The following ADAMTS6 variants were observed in gnomAD, a reference collection of about 807,000 sequenced individuals.
ADAMTS6 encodes the protein A disintegrin and metalloproteinase with thrombospondin motifs 6.
A neutral mutation model predicts 144.3 loss-of-function variants in ADAMTS6; 23 were observed. That is an observed-to-expected ratio of 0.16 (90% CI 0.11 to 0.23). The LOEUF (loss-of-function observed/expected upper bound fraction) is 0.23, where lower values mean the gene tolerates loss of function less well. Ranked by LOEUF, ADAMTS6 falls within the 10% of genes least tolerant of loss-of-function variation. ADAMTS6 has a pLI of 1.00. For synonymous variants in ADAMTS6, 444 were observed against 457.5 expected (o/e 0.97, Z 0.38); for missense variants, 999 against 1,379.6 (o/e 0.72, Z 4.37).
intron 3 of ADAMTS6, among the ~76,000 whole-genome samples, chr5:65,463,214 T>C (rs1303165356): frequency 6.6e-6 from 1 of 151,692 alleles, no homozygotes; most frequent in African/African-American, 2.4e-5. Context: ...AACTATTGGA[T>C]AGTTGCAACC....
At position 65,454,817 on chromosome 5, in the gene ADAMTS6, T is replaced by C. The variant is rs144132827; in HGVS notation, c.632-1899A>G. Among the ~76,000 whole-genome samples, 121 of 152,180 alleles carry C rather than the reference T, an allele frequency of 8.0e-4. 3 individuals carry two copies. The highest frequency in any genetic ancestry group is 2.8e-3 in the African/African-American group (116 of 41,508). ...CTGAATGCTGCCACAACTATGGGGG[T>C]AGAGAAGTGGATTCTTCCCCAGTCA... On this transcript the variant is annotated intron_variant, in intron 4 of 24. Coordinates refer to ENST00000381055, the MANE Select transcript of ADAMTS6 (RefSeq NM_197941.4).
intron 11 of ADAMTS6, among the ~76,000 whole-genome samples, chr5:65,279,675 T>C (rs188165819): frequency 6.6e-6 from 1 of 152,332 alleles, no homozygotes; most frequent in East Asian, 1.9e-4. Flanking sequence ...TGCTCTGATT[T>C]CTATGTCTTT....
intron 7 of ADAMTS6, among the ~76,000 whole-genome samples, chr5:65,445,206 A>G (rs1758172668): frequency 6.6e-6 from 1 of 152,174 alleles, no homozygotes; most frequent in Admixed American, 6.5e-5. Context: ...TCTTGTTTCC[A>G]TTTTTATTTG....
At chr5:65,179,809 A>T (rs930469337) in intron 22 of ADAMTS6, among the ~76,000 whole-genome samples, 2 of 152,228 alleles carry the variant, frequency 1.3e-5, no homozygotes, top group African/African-American at 2.4e-5. Flanking sequence ...CACATAAATT[A>T]TCGTGTCCCT....
chr5:65,218,669 A>G (rs1757097129), intron 18 of ADAMTS6, among the ~76,000 whole-genome samples: 1 of 152,218 alleles, frequency 6.6e-6, no homozygotes. Flanking sequence ...CTATACAAAG[A>G]AAGGAAGTAT....
At chr5:65,367,801 G>A (rs1750443756) in intron 7 of ADAMTS6, among the ~76,000 whole-genome samples, 1 of 151,624 alleles carries the variant, frequency 6.6e-6, no homozygotes, top group South Asian at 2.1e-4. Flanking sequence ...TGTTTCCTGG[G>A]GAACAAACTG....
At chr5:65,345,050 C>T (rs1748186961) in intron 7 of ADAMTS6, among the ~76,000 whole-genome samples, 1 of 151,840 alleles carries the variant, frequency 6.6e-6, no homozygotes, top group Non-Finnish European at 1.5e-5. Context: ...CTCAAATTCT[C>T]TGAGATTAGG....
At chr5:65,456,955 T>C (rs1759258448) in intron 4 of ADAMTS6, among the ~76,000 whole-genome samples, 1 of 152,226 alleles carries the variant, frequency 6.6e-6, no homozygotes, top group African/African-American at 2.4e-5. Flanking sequence ...TCATATCTTA[T>C]ATTTTGACAT....
chr5:65,365,384 A>G (rs922752260), intron 7 of ADAMTS6, among the ~76,000 whole-genome samples: 1 of 152,116 alleles, frequency 6.6e-6, no homozygotes, highest in Non-Finnish European at 1.5e-5. Flanking sequence ...AGTGGCTCAC[A>G]CCTGTAATCC....
chr5:65,420,893 AT>A (rs1755975909), intron 7 of ADAMTS6, among the ~76,000 whole-genome samples: 1 of 152,190 alleles, frequency 6.6e-6, no homozygotes, highest in Admixed American at 6.5e-5. Flanking sequence ...GAAGAAAAAA[AT>A]CAATAGGCCA....
intron 21 of ADAMTS6, 143 bp from the exon 22 acceptor site, chr5:65,188,363 C>A (rs1754800616): frequency 6.4e-6 from 5 of 785,426 alleles, no homozygotes; most frequent in Admixed American, 2.4e-5. Flanking sequence ...AATGAAAGAG[C>A]TGCTAAGGAA....
chr5:65,356,962 T>C (rs1328327958), intron 7 of ADAMTS6, among the ~76,000 whole-genome samples: 1 of 151,850 alleles, frequency 6.6e-6, no homozygotes, highest in Non-Finnish European at 1.5e-5. Context: ...ATTAATAAAA[T>C]ATCCTCTAGT....
intron 21 of ADAMTS6, among the ~76,000 whole-genome samples, chr5:65,189,362 G>A (rs1371144865): frequency 6.6e-6 from 1 of 152,118 alleles, no homozygotes; most frequent in Non-Finnish European, 1.5e-5. Flanking sequence ...CTCAACTGGA[G>A]CAAAAGGGAC....
intron 10 of ADAMTS6, among the ~76,000 whole-genome samples, chr5:65,294,682 TC>T: frequency 6.6e-6 from 1 of 152,306 alleles, no homozygotes; most frequent in East Asian, 1.9e-4. Context: ...TGCCTCTGAG[TC>T]ATCAATTACC....
intron 22 of ADAMTS6, among the ~76,000 whole-genome samples, chr5:65,178,920 G>A (rs532067774): frequency 6.6e-6 from 1 of 152,088 alleles, no homozygotes; most frequent in Non-Finnish European, 1.5e-5. Context: ...CTGTGTAGAG[G>A]TGTTGGACTC....
At chr5:65,422,399 A>C (rs528854558) in intron 7 of ADAMTS6, among the ~76,000 whole-genome samples, 11 of 152,240 alleles carry the variant, frequency 7.2e-5, no homozygotes, top group Non-Finnish European at 1.5e-4. Flanking sequence ...TGGGAGTCCA[A>C]GGCGGGCGGA....
intron 24 of ADAMTS6, among the ~76,000 whole-genome samples, chr5:65,168,264 T>G (rs1399707989): frequency 1.3e-5 from 2 of 151,436 alleles, no homozygotes; most frequent in Non-Finnish European, 2.9e-5. Context: ...AGCCAAATCA[T>G]GAGTGAACTC....
At chr5:65,469,197 G>A (rs920123994) in intron 3 of ADAMTS6, among the ~76,000 whole-genome samples, 2 of 152,078 alleles carry the variant, frequency 1.3e-5, no homozygotes, top group Admixed American at 1.3e-4. Context: ...TTTAAATTTT[G>A]TCCCTAAATG....
chr5:65,442,528 T>G (rs925004880), intron 7 of ADAMTS6, among the ~76,000 whole-genome samples: 2 of 152,112 alleles, frequency 1.3e-5, no homozygotes, highest in South Asian at 2.1e-4. Flanking sequence ...AAGAAGGAAC[T>G]ATCTCATAAC....
Sources: gnomAD v4.1 joint callset for allele counts (sites outside exome capture counted in the v4.1 genomes callset) on GRCh38, gnomAD v4.1.1 for gene constraint, MANE v1.5 for transcripts, NCBI Gene and HGNC (gene_info 2026-07-23, HGNC 2026-07-21) for gene names.